The following SCN3A variants were observed in gnomAD, a reference collection of about 807,000 sequenced individuals.
SCN3A encodes the protein sodium channel protein type 3 subunit alpha.
Under a neutral mutation model 187.6 loss-of-function variants are expected in SCN3A, and 60 were observed. That is an observed-to-expected ratio of 0.32 (90% confidence interval 0.26 to 0.40). The LOEUF is 0.40. Ranked by LOEUF, SCN3A falls within the 10% of genes least tolerant of loss-of-function variation. The pLI, the probability that SCN3A is intolerant of heterozygous loss-of-function variation, is 1.00. For synonymous variants in SCN3A, 788 were observed against 829.2 expected (o/e 0.95, Z 0.85); for missense variants, 1,601 against 2,428.2 (o/e 0.66, Z 7.16).
rs1193842951 is a variant in SCN3A at position 165,090,542 on chromosome 2, G to T, written c.5611C>A (p.Arg1871=). ...ATAAACCTGTCTTCCATCTGTATTCGAAGGGCATCCATCTCTCCACTCTCA... is the reference window on the plus strand; with the variant it reads ...ATAAACCTGTCTTCCATCTGTATTCTAAGGGCATCCATCTCTCCACTCTCA... ...LGESGEMDAL[R]IQMEDRFMAS... Residue 1871 remains arginine, a synonymous_variant, in exon 28 of 28, where the codon CGA becomes AGA. Transcript: ENST00000283254. This position sits in a 1 kb window ranked among gnomAD's most constrained non-coding sequence, Gnocchi z 4.0. 1.2e-6 allele frequency: 2 copies of T among 1,613,722 alleles called. No individual in the cohort carries two copies. The highest frequency in any genetic ancestry group is 2.7e-5 in the African/African-American group (2 of 74,848).
At chr2:165,111,030 T>C (rs1686086614) in intron 21 of SCN3A, among the ~76,000 whole-genome samples, 1 of 152,122 alleles carries the variant, frequency 6.6e-6, no homozygotes, top group African/African-American at 2.4e-5. Context: ...CTAGAAAACT[T>C]CTATCACATT....
At chr2:165,146,382 ATGTGTGTGTGTGTGTGTGTGTGTG>A (rs5836018) in intron 12 of SCN3A, among the ~76,000 whole-genome samples, 3 of 107,850 alleles carry the variant, frequency 2.8e-5, no homozygotes, top group African/African-American at 9.6e-5. Flanking sequence ...ATATATATAT[ATGTGTGTGTGTGTGTGTGTGTGTG>A]TGTGTGTGTG....
At chr2:165,135,726 G>C (rs1687626507) in intron 15 of SCN3A, among the ~76,000 whole-genome samples, 1 of 152,110 alleles carries the variant, frequency 6.6e-6, no homozygotes, top group African/African-American at 2.4e-5. Flanking sequence ...CAAATGCTTT[G>C]TAAATTATGC....
At chr2:165,188,804 C>CAAAAA (rs763003775) in intron 1 of SCN3A, among the ~76,000 whole-genome samples, 13 of 72,546 alleles carry the variant, frequency 1.8e-4, no homozygotes, top group Non-Finnish European at 3.8e-4. Flanking sequence ...CGCCCCACTT[C>CAAAAA]AAAAAAAAAA....
chr2:165,126,857 T>C (rs899207221), intron 18 of SCN3A, among the ~76,000 whole-genome samples: 17 of 152,200 alleles, frequency 1.1e-4, no homozygotes, highest in African/African-American at 1.9e-4. Flanking sequence ...ACTTGTACTT[T>C]CCTAATGTGT....
intron 14 of SCN3A, among the ~76,000 whole-genome samples, chr2:165,138,567 A>G (rs1410898718): frequency 6.6e-6 from 1 of 152,158 alleles, no homozygotes; most frequent in Non-Finnish European, 1.5e-5. Flanking sequence ...TAGTTTCCAT[A>G]TCAACATTAA....
chr2:165,163,220 A>C (rs944030329), intron 7 of SCN3A, among the ~76,000 whole-genome samples: 5 of 151,728 alleles, frequency 3.3e-5, no homozygotes, highest in Admixed American at 2.0e-4. Context: ...AAATAATGTA[A>C]GTCTCATGTC....
chr2:165,139,792 G>C (rs1406028926), intron 13 of SCN3A, 184 bp from the exon 14 acceptor site: 1 of 650,440 alleles, frequency 1.5e-6, no homozygotes. Flanking sequence ...ATCACAGGTA[G>C]TACTCTTTAA....
In SCN3A at chr2:165,147,031, T is replaced by A; in HGVS notation, c.1381-2A>T. ...AGCAGCTGATGCTGCCGCAACTGCC[T>A]GTCATAAAACAAAGCCAGGCACTAT... On this transcript the variant is annotated splice_acceptor_variant, in intron 11 of 27. Transcript: ENST00000283254. LOFTEE classifies it high-confidence loss of function. The A allele has an allele frequency of 6.2e-7, 1 of 1,613,940 alleles. No individual in the cohort carries two copies. The highest frequency in any genetic ancestry group is 8.5e-7 in the Non-Finnish European group (1 of 1,179,906).
At chr2:165,155,970 A>G (rs977319623) in intron 9 of SCN3A, 67 bp from the exon 10 acceptor site, 2 of 1,600,964 alleles carry the variant, frequency 1.2e-6, no homozygotes, top group Non-Finnish European at 1.7e-6. Context: ...TATTTGACTT[A>G]TAGGAATTTT....
At chr2:165,196,572 G>A (rs575603481) in intron 1 of SCN3A, among the ~76,000 whole-genome samples, 1 of 152,168 alleles carries the variant, frequency 6.6e-6, no homozygotes, top group Non-Finnish European at 1.5e-5. Flanking sequence ...AACCAATCCG[G>A]AACAGCAACT....
chr2:165,113,946 C>G lies in SCN3A; in HGVS notation c.3539G>C (p.Cys1180Ser). 1.9e-6 allele frequency: 3 copies of G among 1,608,836 alleles called. No homozygotes were observed. The highest frequency in any genetic ancestry group is 2.2e-5 in the East Asian group (1 of 44,812). The change falls in exon 20 of 28, where the codon TGT becomes TCT. Residue 1180 changes from cysteine (C) to serine (S), a missense_variant. By Grantham distance (112) the Cys-to-Ser change is moderately radical. This residue lies in a region of SCN3A where 267 missense variants were observed against 313.2 expected (regional missense o/e 0.85). Coordinates refer to ENST00000283254, the MANE Select transcript of SCN3A (RefSeq NM_006922.4). The part of the protein sequence containing the change: ...TEGCIKKFPF[C>S]QVSTEEGKGK... The stretch of plus-strand genomic sequence containing the variant: ...TTTGCCTTCTTCTGTACTTACTTGA[C>G]AGAATGGAAACTTTTTAATACATCC...
chr2:165,099,700 G>C (rs1178120180), intron 22 of SCN3A, among the ~76,000 whole-genome samples: 1 of 152,166 alleles, frequency 6.6e-6, no homozygotes, highest in Non-Finnish European at 1.5e-5. Context: ...CTGGGCGACA[G>C]AGCGAGACTC....
chr2:165,164,345 G>A (rs1278544211), intron 6 of SCN3A, 47 bp downstream of exon 6: 5 of 1,611,740 alleles, frequency 3.1e-6, no homozygotes, highest in Middle Eastern at 3.3e-4. Context: ...TTTGTACTAT[G>A]ACTATTTTCA....
chr2:165,105,107 T>G (rs928941646), intron 21 of SCN3A, among the ~76,000 whole-genome samples: 1 of 152,032 alleles, frequency 6.6e-6, no homozygotes, highest in African/African-American at 2.4e-5. Flanking sequence ...GAGGGGCAAT[T>G]GATGGAGCTG....
At chr2:165,131,444 C>T in intron 15 of SCN3A, 27 bp from the exon 16 acceptor site, 3 of 1,552,396 alleles carry the variant, frequency 1.9e-6, no homozygotes, top group Non-Finnish European at 2.6e-6. Context: ...AGCACTACTT[C>T]AAGAGCACTG....
chr2:165,196,302 C>A (rs1490046870), intron 1 of SCN3A, among the ~76,000 whole-genome samples: 1 of 151,984 alleles, frequency 6.6e-6, no homozygotes, highest in Non-Finnish European at 1.5e-5. Context: ...ATTCCTTGGC[C>A]AGTATTTCTT....
intron 11 of SCN3A, among the ~76,000 whole-genome samples, chr2:165,152,623 T>A (rs184851403): frequency 3.9e-5 from 6 of 152,278 alleles, no homozygotes; most frequent in Non-Finnish European, 8.8e-5. Context: ...GTATTTCTAG[T>A]TCTAGATACC....
chr2:165,168,586 C>T, intron 5 of SCN3A, 150 bp downstream of exon 5: 1 of 664,702 alleles, frequency 1.5e-6, no homozygotes, highest in South Asian at 1.7e-5. Context: ...AGAATAGCTC[C>T]CCCAAAGAAC....
Sources: allele counts gnomAD v4.1 joint callset (sites outside exome capture counted in the v4.1 genomes callset), GRCh38; gene constraint gnomAD v4.1.1; regional missense constraint gnomAD v4.1.1; non-coding constraint Gnocchi (gnomAD v3.1); transcripts MANE v1.5; gene names NCBI Gene and HGNC (gene_info 2026-07-23, HGNC 2026-07-21).